Variants in SLC39A13 observed in about 807,000 individuals in gnomAD.
SLC39A13 encodes the protein solute carrier family 39 member 13.
A neutral mutation model predicts 38.7 loss-of-function variants in SLC39A13; 18 were observed. That is an observed-to-expected ratio of 0.47 (90% CI 0.32 to 0.69). The LOEUF (loss-of-function observed/expected upper bound fraction) is 0.69. Among genes scored for constraint, SLC39A13 ranks in the 30% least tolerant of loss-of-function variants. SLC39A13 has a pLI of 0.03. For synonymous variants in SLC39A13, 212 were observed against 219.1 expected (o/e 0.97, Z 0.29); for missense variants, 395 against 490.7 (o/e 0.80, Z 1.84).
At chr11:47,407,537 A>C (rs531745509), upstream of SLC39A13, 1 of 152,360 alleles carries the variant, frequency 6.6e-6, no homozygotes, top group South Asian at 2.1e-4. Flanking sequence ...TGCCCAAGTG[A>C]GTACCCACAT....
chr11:47,410,917 T>C (rs1047051763), intron 2 of SLC39A13, among the ~76,000 whole-genome samples: 10 of 152,292 alleles, frequency 6.6e-5, no homozygotes, highest in African/African-American at 2.2e-4. Context: ...CTGAGGGCGG[T>C]GCCACAGCTG....
At chr11:47,408,721 C>T (rs1365659710) in intron 1 of SLC39A13, 59 bp downstream of exon 1, 2 of 152,902 alleles carry the variant, frequency 1.3e-5, no homozygotes, top group Admixed American at 6.5e-5. Flanking sequence ...CCGGCCGATC[C>T]CTCGCCCCGT....
At chr11:47,409,334 G>T (rs1046590166) in intron 1 of SLC39A13, 5 of 152,250 alleles carry the variant, frequency 3.3e-5, no homozygotes, top group African/African-American at 9.7e-5. Context: ...GCCTCCTCAT[G>T]CCGGGTACAT....
intron 5 of SLC39A13, 36 bp downstream of exon 5, chr11:47,413,543 G>T (rs375797077): frequency 1.9e-6 from 3 of 1,613,860 alleles, no homozygotes; most frequent in Non-Finnish European, 2.5e-6. Context: ...CAGCCGTACT[G>T]CCCTGAGTGG....
rs375548129 is a variant in SLC39A13, at chr11:47,414,482, G to T, written c.786+7G>T. On this transcript the variant is annotated splice_region_variant and intron_variant, in intron 7 of 9. Coordinates refer to ENST00000362021, the MANE Select transcript of SLC39A13 (RefSeq NM_001128225.3). ...GCATGAGATCCCCCATGAGGTGAGC[G>T]CTTGTAGGGCAGCCCCCAGGGGCCC... is the stretch of plus-strand genomic sequence containing the variant. The T allele has an allele frequency of 1.2e-6, 2 of 1,611,788 alleles. No homozygotes were observed. The highest frequency in any genetic ancestry group is 1.1e-5 in the South Asian group (1 of 90,646).
chr11:47,413,303 G>A, intron 4 of SLC39A13, 97 bp from the exon 5 acceptor site: 20 of 1,265,972 alleles, frequency 1.6e-5, no homozygotes, highest in Non-Finnish European at 2.3e-5. Context: ...ACTGCACCCA[G>A]CCCCCGTCTC....
At chr11:47,413,958 T>TCCTCCCTCTGGCCTCTGG (rs2096012760) in intron 6 of SLC39A13, 1 of 700,746 alleles carries the variant, frequency 1.4e-6, no homozygotes, top group Non-Finnish European at 2.6e-6. Flanking sequence ...TTCCTCTACC[T>TCCTCCCTCTGGCCTCTGG]CCTCCCTCTG....
At position 47,409,619 on chromosome 11, in the gene SLC39A13, A is replaced by C. The variant is rs552358924; in HGVS notation, c.-8-468A>C. Reference sequence around the variant, plus strand: ...GACATTGGTCTCATGTCCTAGGAAGAAGCGTGGATGGTCTTGCCCTGGCTC... The same window carrying C: ...GACATTGGTCTCATGTCCTAGGAAGCAGCGTGGATGGTCTTGCCCTGGCTC... On this transcript the variant is annotated intron_variant, in intron 1 of 9. Coordinates refer to ENST00000362021, the MANE Select transcript of SLC39A13 (RefSeq NM_001128225.3). 15 of 185,306 alleles carry C rather than the reference A, an allele frequency of 8.1e-5. No homozygotes were observed. The East Asian group carries it at 2.0e-3, about 25-fold the overall frequency. The allele number at this position is 185,306 out of a possible 1,614,324, so 11.5% of individuals were successfully genotyped here.
chr11:47,408,563 C>A (rs1365678574), upstream of SLC39A13: 1 of 146,172 alleles, frequency 6.8e-6, no homozygotes. Flanking sequence ...GGGCCGGGGG[C>A]CGGGCGGCCG....
Position 47,412,109 on chromosome 11 carries a change from G to A in SLC39A13, c.415+70G>A. 4.7e-6 allele frequency: 7 copies of A among 1,503,742 alleles called. No individual in the cohort carries two copies. The South Asian group carries it at 5.9e-5, about 13-fold the overall frequency. The allele number at this position is 1,503,742 out of a possible 1,614,324, so 93.1% of individuals were successfully genotyped here. A position where few individuals can be genotyped will look rare whatever the true frequency, so the allele number is the denominator to read the frequency against. On this transcript the variant is annotated intron_variant, in intron 3 of 9. Transcript: ENST00000362021. ...GGGCCTGGTGCCCACGCCCAGGGAT[G>A]GCCAGGATGACCAGGAGAGGGATTC...
At position 47,414,256 on chromosome 11, in the gene SLC39A13, C is replaced by T. The variant is rs374399135; in HGVS notation, c.736-169C>T. ...TCTCTCCCCTCTATACCGCTAGCTTCGTGAAGGCAGGTTCCTTGTCCCCTT... is the reference window on the plus strand; with the variant it reads ...TCTCTCCCCTCTATACCGCTAGCTTTGTGAAGGCAGGTTCCTTGTCCCCTT... On this transcript the variant is annotated intron_variant, in intron 6 of 9. Transcript: ENST00000362021. The T allele has an allele frequency of 8.8e-4, 630 of 719,066 alleles. 12 individuals carry two copies. The South Asian group carries it at 9.3e-3, about 11-fold the overall frequency. 44.5% of individuals were successfully genotyped at this position (719,066 alleles called of 1,614,324 possible).
At chr11:47,411,847 C>A in intron 2 of SLC39A13, 79 bp from the exon 3 acceptor site, 1 of 1,391,698 alleles carries the variant, frequency 7.2e-7, no homozygotes, top group Non-Finnish European at 1.0e-6. Flanking sequence ...CAGAAAGAGC[C>A]CAGTGAGTGG....
Position 47,415,774 on chromosome 11 carries a change from A to T in SLC39A13, c.*411A>T, listed in dbSNP as rs2096024779. Reference sequence around the variant, plus strand: ...GGAACTCCAGAGCTGCCCACCTCCCACTGCCCCCTCAGCACACACACAGTC... The same window carrying T: ...GGAACTCCAGAGCTGCCCACCTCCCTCTGCCCCCTCAGCACACACACAGTC... On this transcript the variant is annotated 3_prime_UTR_variant, in exon 10 of 10. Coordinates refer to ENST00000362021, the MANE Select transcript of SLC39A13 (RefSeq NM_001128225.3). 2 of 327,566 alleles carry T rather than the reference A, an allele frequency of 6.1e-6. No individual in the cohort carries two copies. The highest frequency in any genetic ancestry group is 1.2e-5 in the Non-Finnish European group (2 of 168,800). 20.3% of individuals were successfully genotyped at this position (327,566 alleles called of 1,614,324 possible). A position where few individuals can be genotyped will look rare whatever the true frequency, so the allele number is the denominator to read the frequency against.
chr11:47,410,540 A>G, intron 2 of SLC39A13, 145 bp downstream of exon 2: 1 of 1,169,688 alleles, frequency 8.5e-7, no homozygotes, highest in South Asian at 1.3e-5. Flanking sequence ...TGTAGGAGCT[A>G]TCTAGCCAGG....
rs1187817324 is a variant in SLC39A13, at chr11:47,415,646, C to T, written c.*283C>T. On this transcript the variant is annotated 3_prime_UTR_variant, in exon 10 of 10. Transcript: ENST00000362021. ...TCTCCTTGCCGCCCTGTCACCTTCA[C>T]CTCCCGGAGTAAGCAGCGAGGAAGA... is the stretch of plus-strand genomic sequence containing the variant. The T allele has an allele frequency of 5.3e-6, 3 of 567,466 alleles. No homozygotes were observed. In the African/African-American group the frequency reaches 5.6e-5, roughly 11 times the overall value. The allele number at this position is 567,466 out of a possible 1,614,324, so 35.2% of individuals were successfully genotyped here.
intron 3 of SLC39A13, 116 bp downstream of exon 3, chr11:47,412,155 G>C: frequency 7.5e-7 from 1 of 1,325,294 alleles, no homozygotes; most frequent in South Asian, 1.3e-5. Context: ...GCAGGAGCTT[G>C]CCTGGGAGGG....
intron 6 of SLC39A13, 61 bp from the exon 7 acceptor site, chr11:47,414,364 G>T: frequency 6.4e-7 from 1 of 1,552,824 alleles, no homozygotes; most frequent in East Asian, 2.4e-5. Context: ...TGGAATGAGT[G>T]GGCGAGTGGG....
chr11:47,411,591 C>T (rs897879566), intron 2 of SLC39A13, among the ~76,000 whole-genome samples: 1 of 152,164 alleles, frequency 6.6e-6, no homozygotes, highest in Non-Finnish European at 1.5e-5. Flanking sequence ...GGCAACAGAG[C>T]GAGACTCCAT....
intron 7 of SLC39A13, 62 bp from the exon 8 acceptor site, chr11:47,414,715 C>T (rs979054819): frequency 2.9e-5 from 46 of 1,598,340 alleles, no homozygotes; most frequent in Non-Finnish European, 3.9e-5. Context: ...TATATCGTAC[C>T]TGAGCACTCA....
Sources: gnomAD v4.1 joint callset for allele counts (sites outside exome capture counted in the v4.1 genomes callset) on GRCh38, gnomAD v4.1.1 for gene constraint, MANE v1.5 for transcripts, NCBI Gene and HGNC (gene_info 2026-07-23, HGNC 2026-07-21) for gene names.